Variants in FRMPD4 observed in about 807,000 individuals in gnomAD.
The protein encoded by FRMPD4 is FERM and PDZ domain containing 4.
Under a neutral mutation model 94.1 loss-of-function variants are expected in FRMPD4, and 22 were observed. The observed-to-expected ratio is 0.23, with a 90% CI of 0.17 to 0.33. FRMPD4 has a LOEUF of 0.33. Among genes scored for constraint, FRMPD4 ranks in the 10% least tolerant of loss-of-function variants. The pLI, the probability that FRMPD4 is intolerant of heterozygous loss-of-function variation, is 1.00. For missense variants in FRMPD4, 1,111 were observed against 1,339.9 expected (o/e 0.83, Z 2.67); for synonymous variants, 631 against 548.6 (o/e 1.15, Z -2.10).
At position 12,716,492 on chromosome X, in the gene FRMPD4, G is replaced by T; in HGVS notation, c.2033G>T (p.Gly678Val). Residue 678 changes from glycine (G) to valine (V), a missense_variant, in exon 15 of 17, where the codon GGT becomes GTT. Physicochemically the swap from Gly to Val is moderately radical, Grantham distance 109 (BLOSUM62 -3). This residue lies in a region of FRMPD4 where 192 missense variants were observed against 192.5 expected (regional missense o/e 1.00). Coordinates refer to ENST00000675598, the MANE Select transcript of FRMPD4 (RefSeq NM_001368397.1). ...GGCTATGAAACGCTACTAGATGAGG[G>T]TCCTGAAATGCTGGAGAAGCAGAGA... ...TLGYETLLDE[G>V]PEMLEKQRNL... 2 of 1,210,277 alleles carry T rather than the reference G, an allele frequency of 1.7e-6. No homozygotes were observed. Among genetic ancestry groups the T allele is most frequent in the Non-Finnish European group, 1.1e-6 (1 of 894,553 alleles).
At chrX:12,412,274 C>T (rs1019604302) in intron 1 of FRMPD4, among the ~76,000 whole-genome samples, 1 of 112,107 alleles carries the variant, frequency 8.9e-6, no homozygotes, top group African/African-American at 3.2e-5. Context: ...CAACCACCTA[C>T]CCCATTGCCC....
At chrX:12,239,778 C>G (rs186297991) in intron 1 of FRMPD4, among the ~76,000 whole-genome samples, 1 of 111,834 alleles carries the variant, frequency 8.9e-6, no homozygotes, top group Non-Finnish European at 1.9e-5. Flanking sequence ...TGGTGAGAGC[C>G]GAATTCCTGG....
chrX:12,435,864 T>G (rs1314180106), intron 1 of FRMPD4, among the ~76,000 whole-genome samples: 2 of 111,990 alleles, frequency 1.8e-5, no homozygotes, highest in Non-Finnish European at 3.8e-5. Context: ...CAATTGCTTT[T>G]GATCTCTTCA....
chrX:12,352,984 G>A (rs1326977046), intron 1 of FRMPD4, among the ~76,000 whole-genome samples: 1 of 111,823 alleles, frequency 8.9e-6, no homozygotes, highest in African/African-American at 3.3e-5. Flanking sequence ...GAATGAATAG[G>A]TATATACTGA....
chrX:12,053,293 C>T (rs779300299), intron 3 of FRMPD4, among the ~76,000 whole-genome samples: 4 of 99,701 alleles, frequency 4.0e-5, no homozygotes, highest in South Asian at 4.9e-4. Flanking sequence ...GAGCTGAGAT[C>T]GTATCAGTGT....
intron 4 of FRMPD4, among the ~76,000 whole-genome samples, chrX:12,670,299 GATCTAATCAAACC>G (rs1395926636): frequency 9.0e-6 from 1 of 111,450 alleles, no homozygotes; most frequent in African/African-American, 3.3e-5. Flanking sequence ...CAAATAATAT[GATCTAATCAAACC>G]AGTTCATCAT....
At chrX:12,100,132 T>A (rs1029545596) in intron 3 of FRMPD4, among the ~76,000 whole-genome samples, 1 of 111,956 alleles carries the variant, frequency 8.9e-6, no homozygotes, top group Non-Finnish European at 1.9e-5. Context: ...ACTGAAAAAA[T>A]TTGTCAATGG....
intron 1 of FRMPD4, among the ~76,000 whole-genome samples, chrX:11,849,830 A>G (rs1026091172): frequency 9.0e-6 from 1 of 111,542 alleles, no homozygotes; most frequent in African/African-American, 3.3e-5. Context: ...AACTCTTTGA[A>G]GCAAACATAG....
At chrX:12,256,299 A>G (rs1256815115) in intron 1 of FRMPD4, among the ~76,000 whole-genome samples, 1 of 112,001 alleles carries the variant, frequency 8.9e-6, no homozygotes, top group South Asian at 3.7e-4. Flanking sequence ...CCCCACAAAC[A>G]GGAGAAGACA....
chrX:12,533,701 T>G (rs932899918), intron 2 of FRMPD4, among the ~76,000 whole-genome samples: 1 of 112,039 alleles, frequency 8.9e-6, no homozygotes, highest in Admixed American at 9.5e-5. Context: ...CCCTAGAGAT[T>G]TGTGGAACTT....
rs1569186609 is a variant in FRMPD4, at chrX:12,193,809, AGGAAGGAAGGAAGGAAGGAGGG to A, written c.41+54798_41+54819del. Among the ~76,000 whole-genome samples the A allele has an allele frequency of 1.3e-3, 38 of 29,586 alleles. 8 individuals carry two copies. Among genetic ancestry groups the A allele is most frequent in the African/African-American group, 7.4e-3 (35 of 4,722 alleles). The allele number at this position is 29,586 out of a possible 115,157, so 25.7% of individuals were successfully genotyped here. ...AAGGAAGGAAGGAAGGAAGGAAGGA[AGGAAGGAAGGAAGGAAGGAGGG>A]AAGGAAGAAAGAAAAGAAAGAAAAA... On this transcript the variant is annotated intron_variant, in intron 1 of 16. Coordinates refer to ENST00000675598, the MANE Select transcript of FRMPD4 (RefSeq NM_001368397.1).
rs762686532 is a variant in FRMPD4, at chrX:12,658,068, A to G, written c.423-16795A>G. Among the ~76,000 whole-genome samples the G allele has an allele frequency of 1.5e-4, 17 of 111,982 alleles. No homozygotes were observed. In the South Asian group the frequency reaches 5.2e-3, roughly 35 times the overall value. On this transcript the variant is annotated intron_variant, in intron 4 of 16. Transcript: ENST00000675598. ...TGCTTCTTGTGTCATAGAAAGGAAAAGTGGCTCGGTCATGATGAGGTCAAG... is the reference window on the plus strand; with the variant it reads ...TGCTTCTTGTGTCATAGAAAGGAAAGGTGGCTCGGTCATGATGAGGTCAAG...
intron 4 of FRMPD4, among the ~76,000 whole-genome samples, chrX:12,640,938 T>C (rs1256641440): frequency 9.0e-6 from 1 of 111,590 alleles, no homozygotes; most frequent in Non-Finnish European, 1.9e-5. Context: ...TCCTAGCTGC[T>C]TGGGGAGGCT....
At chrX:12,196,608 T>C (rs2056570099) in intron 1 of FRMPD4, among the ~76,000 whole-genome samples, 1 of 108,350 alleles carries the variant, frequency 9.2e-6, no homozygotes, top group Non-Finnish European at 1.9e-5. Flanking sequence ...TAGAGAACAT[T>C]TGTTGTTGCA....
intron 1 of FRMPD4, among the ~76,000 whole-genome samples, chrX:12,294,349 A>T (rs1459601679): frequency 1.8e-5 from 2 of 111,581 alleles, no homozygotes; most frequent in Non-Finnish European, 3.8e-5. Flanking sequence ...GAGCCCAACA[A>T]GTCTTAGAAA....
intron 1 of FRMPD4, among the ~76,000 whole-genome samples, chrX:12,384,091 C>T (rs1249336426): frequency 8.9e-6 from 1 of 111,924 alleles, no homozygotes; most frequent in Non-Finnish European, 1.9e-5. Context: ...CAAAAATTGG[C>T]ACAACAGATT....
chrX:11,908,602 A>T (rs1215708623), intron 3 of FRMPD4, among the ~76,000 whole-genome samples: 1 of 111,736 alleles, frequency 8.9e-6, no homozygotes, highest in Non-Finnish European at 1.9e-5. Flanking sequence ...GCCCCATGTG[A>T]CACTACCACA....
intron 2 of FRMPD4, among the ~76,000 whole-genome samples, chrX:12,580,884 A>G (rs1440572278): frequency 8.9e-6 from 1 of 112,371 alleles, no homozygotes. Context: ...GCAGGATGGC[A>G]TGAGATTTCA....
intron 3 of FRMPD4, among the ~76,000 whole-genome samples, chrX:11,992,308 G>A (rs1216642850): frequency 8.9e-6 from 1 of 111,811 alleles, no homozygotes; most frequent in Non-Finnish European, 1.9e-5. Flanking sequence ...GAGAAGATTA[G>A]TACTTTAAAT....
Sources: allele counts gnomAD v4.1 joint callset (sites outside exome capture counted in the v4.1 genomes callset), GRCh38; gene constraint gnomAD v4.1.1; regional missense constraint gnomAD v4.1.1; transcripts MANE v1.5; gene names NCBI Gene and HGNC (gene_info 2026-07-23, HGNC 2026-07-21).